DMD: variants seen among roughly 807,000 people sequenced by gnomAD.
The protein encoded by DMD is mutant dystrophin.
Under a neutral mutation model 330.1 loss-of-function variants are expected in DMD, and 63 were observed. That is an observed-to-expected ratio of 0.19 (90% CI 0.16 to 0.24). The LOEUF (loss-of-function observed/expected upper bound fraction) is 0.24, where lower values mean the gene tolerates loss of function less well. Ranked by LOEUF, DMD falls within the 10% of genes least tolerant of loss-of-function variation. DMD has a pLI of 1.00. For synonymous variants in DMD, 1,223 were observed against 959.8 expected, an observed-to-expected ratio of 1.27 and a Z score of -5.07; for missense variants, 3,344 against 2,684.1, an observed-to-expected ratio of 1.25 and a Z score of -5.43.
intron 7 of DMD, among the ~76,000 whole-genome samples, chrX:32,744,635 G>A (rs991312128): frequency 9.0e-6 from 1 of 111,071 alleles, no homozygotes; most frequent in Non-Finnish European, 1.9e-5. Context: ...GTTCACTTGT[G>A]TAAGACATTA....
chrX:33,169,884 A>G (rs1281120472), intron 1 of DMD, among the ~76,000 whole-genome samples: 2 of 110,301 alleles, frequency 1.8e-5, no homozygotes, highest in African/African-American at 6.6e-5. Flanking sequence ...AGAAAGTCAG[A>G]AAAGCAATCA....
chrX:32,054,331 T>C (rs1318236872), intron 44 of DMD, among the ~76,000 whole-genome samples: 5 of 100,965 alleles, frequency 5.0e-5, no homozygotes, highest in African/African-American at 1.1e-4. Context: ...CTCCTAATGC[T>C]ATCCCTCCAC....
intron 7 of DMD, among the ~76,000 whole-genome samples, chrX:32,706,349 G>T (rs1479668273): frequency 5.6e-5 from 6 of 107,605 alleles, no homozygotes; most frequent in African/African-American, 2.1e-4. Flanking sequence ...AAACCTGCAC[G>T]TTGTGCACAT....
chrX:31,204,018 T>G lies in DMD; in HGVS notation c.9750A>C (p.Glu3250Asp). 1 of 1,210,736 alleles carries G rather than the reference T, an allele frequency of 8.3e-7. No homozygotes were observed. Among genetic ancestry groups the G allele is most frequent in the South Asian group, 1.8e-5 (1 of 56,980 alleles). Reference protein sequence around the residue: ...DSIQIPRQLGEVASFGGSNIE... With the variant: ...DSIQIPRQLGDVASFGGSNIE... ...TGTTACTGCCCCCAAAGGATGCAAC[T>G]TCACCCAACTGTCTTGGAATTTGGA... is the stretch of plus-strand genomic sequence containing the variant. The change falls in exon 67 of 79, where the codon GAA becomes GAC. Residue 3250 changes from glutamate (E) to aspartate (D), a missense_variant. Physicochemically the swap from Glu to Asp is conservative, Grantham distance 45 (BLOSUM62 2). Transcript: ENST00000357033.
chrX:31,135,599 C>T (rs747263145), intron 76 of DMD, among the ~76,000 whole-genome samples: 20 of 111,986 alleles, frequency 1.8e-4, no homozygotes, highest in Non-Finnish European at 3.8e-4. Context: ...TGGAAATCTC[C>T]TTGTAGATTT....
At chrX:32,445,092 G>GTGTA (rs1224567507) in intron 27 of DMD, among the ~76,000 whole-genome samples, 1 of 111,795 alleles carries the variant, frequency 8.9e-6, no homozygotes, top group African/African-American at 3.2e-5. Context: ...AGAGCAGTTT[G>GTGTA]TGTAAAGCTG....
intron 57 of DMD, among the ~76,000 whole-genome samples, chrX:31,482,687 C>G (rs1249328859): frequency 1.8e-5 from 2 of 111,714 alleles, no homozygotes; most frequent in African/African-American, 6.5e-5. Flanking sequence ...GTAGGTATTT[C>G]AAGTGAAAAT....
At chrX:31,684,987 T>C (rs1313890861) in intron 52 of DMD, among the ~76,000 whole-genome samples, 1 of 112,157 alleles carries the variant, frequency 8.9e-6, no homozygotes, top group Non-Finnish European at 1.9e-5. Flanking sequence ...ATGGGAATTG[T>C]ACATGGGAAT....
chrX:32,949,338 G>T, intron 2 of DMD, among the ~76,000 whole-genome samples: 1 of 80,933 alleles, frequency 1.2e-5, no homozygotes, highest in African/African-American at 4.8e-5. Context: ...AGGTAGGTAG[G>T]TAGGTAGATA....
rs115805501 is a variant in DMD at position 31,825,056 on chromosome X, G to C, written c.7201-4973C>G. ...ACCACCCTTGGAAGTCATCACTCAC[G>C]GAAGATATTTTCCTGTCCTGACATC... On this transcript the variant is annotated intron_variant, in intron 49 of 78. Coordinates refer to ENST00000357033, the MANE Select transcript of DMD (RefSeq NM_004006.3). Among the ~76,000 whole-genome samples, 749 of 111,690 alleles carry C rather than the reference G, an allele frequency of 6.7e-3. 6 individuals carry two copies. The highest frequency in any genetic ancestry group is 0.023 in the African/African-American group (712 of 30,774).
chrX:31,372,529 A>AT (rs2059649821), intron 60 of DMD, among the ~76,000 whole-genome samples: 1 of 112,175 alleles, frequency 8.9e-6, no homozygotes, highest in African/African-American at 3.2e-5. Flanking sequence ...CAGAAAGAAC[A>AT]TGAGTTTTGA....
chrX:31,815,457 A>AAAAAAAAAAAAGAGAG (rs1391738015), intron 50 of DMD, among the ~76,000 whole-genome samples: 108 of 110,159 alleles, frequency 9.8e-4, no homozygotes, highest in African/African-American at 3.5e-3. Flanking sequence ...CTCAAAAAAA[A>AAAAAAAAAAAAGAGAG]AGAGAGAGAG....
At chrX:32,814,076 G>T (rs1312538192) in intron 6 of DMD, among the ~76,000 whole-genome samples, 1 of 111,195 alleles carries the variant, frequency 9.0e-6, no homozygotes. Context: ...ATTGAAATAA[G>T]GTAAGTTAAG....
chrX:31,684,573 C>A (rs191983712), intron 52 of DMD, among the ~76,000 whole-genome samples: 2 of 111,812 alleles, frequency 1.8e-5, no homozygotes, highest in African/African-American at 6.5e-5. Flanking sequence ...TCAATCAGAA[C>A]CAATGAAACA....
At chrX:31,548,448 C>G (rs1225336859) in intron 55 of DMD, among the ~76,000 whole-genome samples, 3 of 110,438 alleles carry the variant, frequency 2.7e-5, no homozygotes, top group Non-Finnish European at 5.7e-5. Context: ...TATAAAGGAA[C>G]AGAAAAAAAA....
At chrX:31,260,806 G>A (rs766762778) in intron 63 of DMD, 149 bp downstream of exon 63, 33 of 487,239 alleles carry the variant, frequency 6.8e-5, no homozygotes, top group African/African-American at 1.9e-4. Context: ...AAAGCTGACT[G>A]TCAATTTTGG....
intron 16 of DMD, among the ~76,000 whole-genome samples, chrX:32,547,778 A>G (rs1407502247): frequency 1.8e-5 from 2 of 110,764 alleles, no homozygotes; most frequent in East Asian, 5.7e-4. Flanking sequence ...AGAGCTCACT[A>G]CTCCCTGAAA....
intron 60 of DMD, among the ~76,000 whole-genome samples, chrX:31,363,673 C>T (rs764033796): frequency 3.6e-5 from 4 of 112,005 alleles, no homozygotes; most frequent in Admixed American, 1.9e-4. Context: ...CCACCGTGCC[C>T]GGCCAAGACA....
At chrX:31,445,107 C>T (rs934814237) in intron 59 of DMD, among the ~76,000 whole-genome samples, 2 of 111,798 alleles carry the variant, frequency 1.8e-5, no homozygotes, top group African/African-American at 6.5e-5. Flanking sequence ...AAGACAGTCT[C>T]TTGTGGTAGT....
Sources: gnomAD v4.1 joint callset for allele counts (sites outside exome capture counted in the v4.1 genomes callset) on GRCh38, gnomAD v4.1.1 for gene constraint, MANE v1.5 for transcripts, NCBI Gene and HGNC (gene_info 2026-07-23, HGNC 2026-07-21) for gene names.